ICE2: variants seen among roughly 807,000 people sequenced by gnomAD.
ICE2 encodes interactor of little elongation complex ELL subunit 2, also known as little elongation complex subunit 2.
Under a neutral mutation model 105.4 loss-of-function variants are expected in ICE2, and 87 were observed. The observed-to-expected ratio is 0.83, with a 90% CI of 0.69 to 0.99. The LOEUF is 0.99. Ranked by LOEUF, ICE2 falls within the 50% of genes least tolerant of loss-of-function variation. ICE2 has a pLI of 0.00. For synonymous variants in ICE2, 399 were observed against 392.0 expected (o/e 1.02, Z -0.21); for missense variants, 1,323 against 1,146.7 (o/e 1.15, Z -2.22).
At chr15:60,432,410 G>C (rs368720442) in intron 13 of ICE2, among the ~76,000 whole-genome samples, 3 of 151,496 alleles carry the variant, frequency 2.0e-5, no homozygotes, top group Non-Finnish European at 4.4e-5. Flanking sequence ...GGCTGGTCTT[G>C]AATTCCTGAC....
Position 60,423,617 on chromosome 15 carries a change from T to A in ICE2, c.*17A>T. The A allele has an allele frequency of 6.3e-7, 1 of 1,586,946 alleles. No individual in the cohort carries two copies. Among genetic ancestry groups the A allele is most frequent in the Non-Finnish European group, 8.5e-7 (1 of 1,170,268 alleles). ...TTATAACTGTTTTTTTAAATTTAGT[T>A]TTCCATGGTACAGTCCTCAAGTTAT... On this transcript the variant is annotated 3_prime_UTR_variant, in exon 16 of 16. Transcript: ENST00000261520.
intron 11 of ICE2, chr15:60,445,802 A>AATACAAAGTGGTATGGGTTCAC (rs2063810188): frequency 2.0e-6 from 2 of 984,968 alleles, no homozygotes; most frequent in African/African-American, 3.5e-5. Context: ...CTGAAAAAGA[A>AATACAAAGTGGTATGGGTTCAC]ATACAAAGTG....
intron 12 of ICE2, chr15:60,439,097 G>C (rs1354749442): frequency 2.0e-5 from 3 of 152,208 alleles, no homozygotes; most frequent in African/African-American, 7.2e-5. Context: ...CATGCAGTGT[G>C]AGGACCATAA....
At chr15:60,429,702 T>C (rs963922956) in intron 14 of ICE2, among the ~76,000 whole-genome samples, 2 of 152,224 alleles carry the variant, frequency 1.3e-5, no homozygotes, top group Admixed American at 6.5e-5. Context: ...TTTTCATCAA[T>C]TTTTAAACTG....
chr15:60,479,076 TCG>T lies in ICE2; in HGVS notation c.-168_-167del, dbSNP rs1027926603. On this transcript the variant is annotated 5_prime_UTR_variant, in exon 1 of 16. It introduces an in-frame stop codon into an upstream open reading frame of the 5' UTR. Coordinates refer to ENST00000261520, the MANE Select transcript of ICE2 (RefSeq NM_024611.6). ...ACGCTCCACCCCACTCCTCACATTG[TCG>T]CGCGCGCCCAAAAAAGACCATATTT... The T allele has an allele frequency of 1.4e-3, 635 of 450,754 alleles. 12 individuals are homozygous for T. The highest frequency in any genetic ancestry group is 2.2e-4 in the Non-Finnish European group (50 of 223,248). The allele number at this position is 450,754 out of a possible 1,614,324, so 27.9% of individuals were successfully genotyped here. A position where few individuals can be genotyped will look rare whatever the true frequency, so the allele number is the denominator to read the frequency against.
At chr15:60,429,109 A>G (rs1166167771) in intron 14 of ICE2, among the ~76,000 whole-genome samples, 1 of 152,214 alleles carries the variant, frequency 6.6e-6, no homozygotes, top group Admixed American at 6.5e-5. Flanking sequence ...AGTGAAGGTG[A>G]TATGTTTGCT....
intron 3 of ICE2, among the ~76,000 whole-genome samples, chr15:60,473,086 T>A (rs2064651833): frequency 6.6e-6 from 1 of 151,942 alleles, no homozygotes; most frequent in Non-Finnish European, 1.5e-5. Flanking sequence ...TGGGACCACA[T>A]GTGCATGCCA....
chr15:60,462,957 T>C (rs1440031615), intron 5 of ICE2, among the ~76,000 whole-genome samples: 5 of 152,216 alleles, frequency 3.3e-5, no homozygotes, highest in Non-Finnish European at 7.3e-5. Flanking sequence ...CTAAATGATT[T>C]TCCAAATTTA....
At chr15:60,447,492 G>A (rs528624967) in intron 11 of ICE2, 9 of 152,234 alleles carry the variant, frequency 5.9e-5, no homozygotes, top group African/African-American at 2.2e-4. Context: ...GAGATATCTT[G>A]GGGACAGGAC....
chr15:60,422,844 A>G lies in ICE2; in HGVS notation c.*790T>C, dbSNP rs1244137661. On this transcript the variant is annotated 3_prime_UTR_variant, in exon 16 of 16. Transcript: ENST00000261520. ...ACAGAGCGAGACTCCATCTCAAAAA[A>G]AAAAAAAAGCTTATGCTTTACCACA... is the stretch of plus-strand genomic sequence containing the variant. 2 of 152,364 alleles carry G rather than the reference A, an allele frequency of 1.3e-5. No homozygotes were observed. The highest frequency in any genetic ancestry group is 2.9e-5 in the Non-Finnish European group (2 of 68,222). The allele number at this position is 152,364 out of a possible 1,614,324, so 9.4% of individuals were successfully genotyped here. A position where few individuals can be genotyped will look rare whatever the true frequency, so the allele number is the denominator to read the frequency against.
In ICE2 at chr15:60,449,537, C is replaced by T; in HGVS notation, c.1430G>A (p.Gly477Asp). The T allele has an allele frequency of 1.2e-6, 2 of 1,614,028 alleles. No individual in the cohort carries two copies. Among genetic ancestry groups the T allele is most frequent in the East Asian group, 4.5e-5 (2 of 44,882 alleles). Residue 477 changes from glycine (G) to aspartate (D), a missense_variant, in exon 10 of 16, where the codon GGC becomes GAC. Coordinates refer to ENST00000261520, the MANE Select transcript of ICE2 (RefSeq NM_024611.6). Reference sequence around the variant, plus strand: ...ATCTTTATTTTTGCATTCCTCAGGGCCACCATCCATACCAGTGACCAGCTG... The same window carrying T: ...ATCTTTATTTTTGCATTCCTCAGGGTCACCATCCATACCAGTGACCAGCTG... ...EKQLVTGMDG[G>D]PEECKNKDDQ... is the part of the protein sequence containing the mutation.
Position 60,455,061 on chromosome 15 carries a change from T to A in ICE2, c.885A>T (p.Gly295=). 6.3e-7 allele frequency: 1 copy of A among 1,599,592 alleles called. No homozygotes were observed. Among genetic ancestry groups the A allele is most frequent in the Non-Finnish European group, 8.5e-7 (1 of 1,175,812 alleles). ...QSLFTLLNNH[G]PTYKEQWEIP... is the part of the protein sequence containing the mutation. ...TTTCCCACTGTTCCTTGTACGTTGG[T>A]CCATGATTATTTAATAAGGTAAATA... The change falls in exon 8 of 16, where the codon GGA becomes GGT. Residue 295 remains glycine, a synonymous_variant. Coordinates refer to ENST00000261520, the MANE Select transcript of ICE2 (RefSeq NM_024611.6).
intron 3 of ICE2, among the ~76,000 whole-genome samples, chr15:60,472,485 CTT>C (rs1219365225): frequency 6.6e-6 from 1 of 152,034 alleles, no homozygotes; most frequent in Non-Finnish European, 1.5e-5. Context: ...ATATCAATAA[CTT>C]GTGTATTTTT....
chr15:60,419,624 G>A lies in ICE2; in HGVS notation c.*4010C>T, dbSNP rs750168314. On this transcript the variant is annotated 3_prime_UTR_variant, in exon 16 of 16. Transcript: ENST00000261520. ...CAACAGTAGATGGATAAATGAAATGGATCCCCTTTATTTCTACATCTCAAC... is the reference window on the plus strand; with the variant it reads ...CAACAGTAGATGGATAAATGAAATGAATCCCCTTTATTTCTACATCTCAAC... 6.6e-6 allele frequency: 1 copy of A among 152,194 alleles called. No individual in the cohort carries two copies. Among genetic ancestry groups the A allele is most frequent in the East Asian group, 1.9e-4 (1 of 5,200 alleles). The allele number at this position is 152,194 out of a possible 1,614,324, so 9.4% of individuals were successfully genotyped here. A position where few individuals can be genotyped will look rare whatever the true frequency, so the allele number is the denominator to read the frequency against.
chr15:60,459,916 A>C (rs960196152), intron 5 of ICE2, among the ~76,000 whole-genome samples: 2 of 152,336 alleles, frequency 1.3e-5, no homozygotes, highest in African/African-American at 2.4e-5. Context: ...AAAGTAAAAG[A>C]AGCAAAAACA....
chr15:60,478,956 G>A, intron 1 of ICE2, 47 bp downstream of exon 1: 1 of 455,730 alleles, frequency 2.2e-6, no homozygotes. Flanking sequence ...TGGCCCGGCA[G>A]CGCCCTCCCG....
In ICE2 at chr15:60,436,126, A is replaced by G. The variant is rs367922988; in HGVS notation, c.2510+17T>C. ...TAACAAATTTTTCAATTCTCACCAC[A>G]AAGTAAACTTTCTTACTTGAGTGCT... On this transcript the variant is annotated intron_variant, in intron 13 of 15. Coordinates refer to ENST00000261520, the MANE Select transcript of ICE2 (RefSeq NM_024611.6). 1.0e-4 allele frequency: 114 copies of G among 1,126,470 alleles called. 1 individual carries two copies. Among genetic ancestry groups the G allele is most frequent in the Non-Finnish European group, 1.0e-4 (81 of 793,346 alleles). 69.8% of individuals were successfully genotyped at this position (1,126,470 alleles called of 1,614,324 possible).
intron 13 of ICE2, among the ~76,000 whole-genome samples, chr15:60,432,620 C>A (rs2063487200): frequency 6.6e-6 from 1 of 151,838 alleles, no homozygotes; most frequent in African/African-American, 2.4e-5. Context: ...TGGCCGGGTG[C>A]AGTGGCTCAC....
chr15:60,442,445 A>G lies in ICE2; in HGVS notation c.2396T>C (p.Leu799Ser), dbSNP rs372505613. 6 of 1,591,270 alleles carry G rather than the reference A, an allele frequency of 3.8e-6. No individual in the cohort carries two copies. Among genetic ancestry groups the G allele is most frequent in the South Asian group, 2.3e-5 (2 of 85,482 alleles). The change falls in exon 12 of 16, where the codon TTA becomes TCA. Residue 799 changes from leucine to serine, a missense_variant. Leu to Ser is a moderately radical substitution (Grantham distance 145, BLOSUM62 -2). Transcript: ENST00000261520. ...SELCRLWTES[L>S]LHSNSSFYVG... ...ATAAAATGAGCTGTTGGAATGCAAT[A>G]AACTTTCAGTCCATAAGCGACAAAG...
Sources: gnomAD v4.1 joint callset for allele counts (sites outside exome capture counted in the v4.1 genomes callset) on GRCh38, gnomAD v4.1.1 for gene constraint, MANE v1.5 for transcripts, NCBI Gene and HGNC (gene_info 2026-07-23, HGNC 2026-07-21) for gene names.